PDP1: variants seen among roughly 807,000 people sequenced by gnomAD.
PDP1 encodes pyruvate dehyrogenase phosphatase catalytic subunit 1.
Under a neutral mutation model 37.1 loss-of-function variants are expected in PDP1, and 14 were observed. The observed-to-expected ratio is 0.38, with a 90% CI of 0.25 to 0.59. The LOEUF (loss-of-function observed/expected upper bound fraction) is 0.59, where lower values mean the gene tolerates loss of function less well. Ranked by LOEUF, PDP1 falls within the 20% of genes least tolerant of loss-of-function variation. The pLI, the probability that PDP1 is intolerant of heterozygous loss-of-function variation, is 0.67. For synonymous variants in PDP1, 251 were observed against 243.3 expected, an observed-to-expected ratio of 1.03 and a Z score of -0.29; for missense variants, 544 against 655.3, an observed-to-expected ratio of 0.83 and a Z score of 1.85.
Position 93,923,736 on chromosome 8 carries a change from A to C in PDP1, c.*63A>C. ...CATTTAAAGGGCAGATTTTTTAAAA[A>C]GATACTACTATAATAAACATTTCCA... On this transcript the variant is annotated 3_prime_UTR_variant, in exon 2 of 2. Transcript: ENST00000297598. This position sits in a 1 kb window ranked among gnomAD's most constrained non-coding sequence, Gnocchi z 4.3. The C allele has an allele frequency of 8.0e-7, 1 of 1,254,712 alleles. No homozygotes were observed. The highest frequency in any genetic ancestry group is 1.5e-5 in the African/African-American group (1 of 68,018). The allele number at this position is 1,254,712 out of a possible 1,614,324, so 77.7% of individuals were successfully genotyped here.
chr8:93,917,523 CGGGCA>C, intron 1 of PDP1, among the ~76,000 whole-genome samples: 1 of 151,574 alleles, frequency 6.6e-6, no homozygotes, highest in African/African-American at 2.4e-5. Flanking sequence ...GGGGCCGGGC[CGGGCA>C]GGGCGGGGCG....
chr8:93,920,550 CTAGAT>C, intron 1 of PDP1: 1 of 929,642 alleles, frequency 1.1e-6, no homozygotes, highest in East Asian at 1.2e-4. Flanking sequence ...CCCAAATTAT[CTAGAT>C]TAATGATATA....
At chr8:93,920,483 C>G (rs1236508744) in intron 1 of PDP1, 1 of 916,960 alleles carries the variant, frequency 1.1e-6, no homozygotes, top group Non-Finnish European at 1.3e-6. Flanking sequence ...GAAGCAGTAT[C>G]TCAAGAATTC....
At chr8:93,917,802 C>T (rs1469220478) in intron 1 of PDP1, 2 of 1,592,854 alleles carry the variant, frequency 1.3e-6, no homozygotes, top group Non-Finnish European at 1.7e-6. Context: ...TCCCCGCCGC[C>T]GCCTCCTCTA....
chr8:93,917,564 G>C (rs1295807200), intron 1 of PDP1, among the ~76,000 whole-genome samples: 1 of 152,132 alleles, frequency 6.6e-6, no homozygotes, highest in Non-Finnish European at 1.5e-5. Context: ...TGCAGTCCAT[G>C]GGCTTCGCGC....
chr8:93,917,657 C>T (rs1414897323), intron 1 of PDP1: 1 of 698,844 alleles, frequency 1.4e-6, no homozygotes, highest in Non-Finnish European at 2.3e-6. Context: ...GGCTTTGCCT[C>T]CCCGGCGGGG....
At position 93,922,983 on chromosome 8, in the gene PDP1, C is replaced by CA; in HGVS notation, c.925dup (p.Thr309AsnfsTer4). 1 of 1,614,146 alleles carries CA rather than the reference C, an allele frequency of 6.2e-7. No homozygotes were observed. The highest frequency in any genetic ancestry group is 8.5e-7 in the Non-Finnish European group (1 of 1,180,028). ...AAGAGGACGGCTCATGGTCAGCAGTCACGCTGTCTAATGACCACAATGCTC... is the reference window on the plus strand; with the variant it reads ...AAGAGGACGGCTCATGGTCAGCAGTCAACGCTGTCTAATGACCACAATGCTC... On this transcript the variant is annotated frameshift_variant, in exon 2 of 2. Coordinates refer to ENST00000297598, the MANE Select transcript of PDP1 (RefSeq NM_018444.4). LOFTEE classifies it high-confidence loss of function. The surrounding 1 kb of genome is among the most constrained non-coding windows in gnomAD (Gnocchi z 4.0).
In PDP1 at chr8:93,924,335, A is replaced by G. The variant is rs1397699940; in HGVS notation, c.*662A>G. ...CTATTTTGCCACACACTTGGAGACA[A>G]TAAGGGTTTTTAGTTTTATCTACTC... On this transcript the variant is annotated 3_prime_UTR_variant, in exon 2 of 2. Transcript: ENST00000297598. The G allele has an allele frequency of 1.8e-5, 3 of 166,954 alleles. No individual in the cohort carries two copies. The allele number at this position is 166,954 out of a possible 1,614,324, so 10.3% of individuals were successfully genotyped here.
intron 1 of PDP1, among the ~76,000 whole-genome samples, chr8:93,919,500 C>A: frequency 7.5e-6 from 1 of 134,172 alleles, no homozygotes; most frequent in South Asian, 2.9e-4. Context: ...CCTCCCTCCC[C>A]CCCCCCGGCA....
chr8:93,923,783 C>T lies in PDP1; in HGVS notation c.*110C>T. 6.3e-6 allele frequency: 6 copies of T among 947,882 alleles called. No homozygotes were observed. Among genetic ancestry groups the T allele is most frequent in the Non-Finnish European group, 1.0e-5 (6 of 586,038 alleles). 58.7% of individuals were successfully genotyped at this position (947,882 alleles called of 1,614,324 possible). On this transcript the variant is annotated 3_prime_UTR_variant, in exon 2 of 2. Coordinates refer to ENST00000297598, the MANE Select transcript of PDP1 (RefSeq NM_018444.4). The surrounding 1 kb of genome is among the most constrained non-coding windows in gnomAD (Gnocchi z 4.3). ...TCCAGTTGGTCATTCTAAGCATTTA[C>T]CCTTTTGATACTCTAGCTAGTCAGG...
At position 93,923,566 on chromosome 8, in the gene PDP1, A is replaced by G. The variant is rs1810353866; in HGVS notation, c.1507A>G (p.Met503Val). The change falls in exon 2 of 2, where the codon ATG becomes GTG. Residue 503 changes from methionine to valine, a missense_variant. Physicochemically the swap from Met to Val is conservative, Grantham distance 21. Coordinates refer to ENST00000297598, the MANE Select transcript of PDP1 (RefSeq NM_018444.4). The surrounding 1 kb of genome is among the most constrained non-coding windows in gnomAD (Gnocchi z 4.3). ...GTVDHERLSK[M>V]LSLPEELARM... is the part of the protein sequence containing the mutation. Reference sequence around the variant, plus strand: ...TGTTGATCATGAGCGCCTCTCTAAAATGCTTAGTCTTCCTGAAGAGCTTGC... The same window carrying G: ...TGTTGATCATGAGCGCCTCTCTAAAGTGCTTAGTCTTCCTGAAGAGCTTGC... 1.2e-6 allele frequency: 2 copies of G among 1,613,278 alleles called. No individual in the cohort carries two copies. The highest frequency in any genetic ancestry group is 3.3e-5 in the Admixed American group (2 of 59,996).
In PDP1 at chr8:93,923,722, C is replaced by A. The variant is rs192535454; in HGVS notation, c.*49C>A. The A allele has an allele frequency of 1.4e-3, 1,976 of 1,428,928 alleles. 3 individuals are homozygous for A. The highest frequency in any genetic ancestry group is 1.7e-3 in the Non-Finnish European group (1,682 of 1,012,560). 88.5% of individuals were successfully genotyped at this position (1,428,928 alleles called of 1,614,324 possible). On this transcript the variant is annotated 3_prime_UTR_variant, in exon 2 of 2. Transcript: ENST00000297598. This position sits in a 1 kb window ranked among gnomAD's most constrained non-coding sequence, Gnocchi z 4.3. ...TCTCAAATGATATACATTTAAAGGGCAGATTTTTTAAAAAGATACTACTAT... is the reference window on the plus strand; with the variant it reads ...TCTCAAATGATATACATTTAAAGGGAAGATTTTTTAAAAAGATACTACTAT...
chr8:93,920,721 AC>A (rs952162501), intron 1 of PDP1: 5 of 887,430 alleles, frequency 5.6e-6, no homozygotes, highest in Non-Finnish European at 6.7e-6. Context: ...GCAAGTAAAT[AC>A]CTTTTTTTTT....
chr8:93,919,616 C>A lies in PDP1; in HGVS notation c.-44-2400C>A, dbSNP rs116385467. Among the ~76,000 whole-genome samples, 1,490 of 151,368 alleles carry A rather than the reference C, an allele frequency of 9.8e-3. 28 individuals are homozygous for A. Among genetic ancestry groups the A allele is most frequent in the African/African-American group, 0.035 (1,426 of 41,178 alleles). ...GTTATGCATCTATCAACCCTCCCTC[C>A]CCCCCACACAAATAGTATTTTGAGT... On this transcript the variant is annotated intron_variant, in intron 1 of 1. Transcript: ENST00000297598.
chr8:93,921,911 C>G (rs1232204387), intron 1 of PDP1, 105 bp from the exon 2 acceptor site: 2 of 747,092 alleles, frequency 2.7e-6, no homozygotes, highest in Non-Finnish European at 2.2e-6. Context: ...AAAGGCTTAA[C>G]ATGTAGATTG....
Position 93,921,372 on chromosome 8 carries a change from G to C in PDP1, c.-44-644G>C, listed in dbSNP as rs1041984804. 3.1e-6 allele frequency: 3 copies of C among 976,020 alleles called. No individual in the cohort carries two copies. In the Admixed American group the frequency reaches 1.8e-4, roughly 60 times the overall value. 60.5% of individuals were successfully genotyped at this position (976,020 alleles called of 1,614,324 possible). On this transcript the variant is annotated intron_variant, in intron 1 of 1. Coordinates refer to ENST00000297598, the MANE Select transcript of PDP1 (RefSeq NM_018444.4). ...CAAGACCATCTACTGGGGTACAGGAGAGAAATACTGGAATTTCTTTTTTTA... is the reference window on the plus strand; with the variant it reads ...CAAGACCATCTACTGGGGTACAGGACAGAAATACTGGAATTTCTTTTTTTA...
chr8:93,921,723 G>A, intron 1 of PDP1: 1 of 265,292 alleles, frequency 3.8e-6, no homozygotes, highest in Non-Finnish European at 7.2e-6. Context: ...CAAATCTGTT[G>A]TACATTCTGC....
chr8:93,921,843 A>T (rs1010311712), intron 1 of PDP1, 173 bp from the exon 2 acceptor site: 2 of 534,268 alleles, frequency 3.7e-6, no homozygotes, highest in African/African-American at 3.8e-5. Context: ...TGTGCCTGCC[A>T]GAATATACCC....
At chr8:93,921,400 TA>T (rs1810264732) in intron 1 of PDP1, 2 of 883,008 alleles carry the variant, frequency 2.3e-6, no homozygotes, top group South Asian at 1.0e-4. Context: ...TTTTTTTATT[TA>T]ATTATGTAGA....
Sources: allele counts gnomAD v4.1 joint callset (sites outside exome capture counted in the v4.1 genomes callset), GRCh38; gene constraint gnomAD v4.1.1; non-coding constraint Gnocchi (gnomAD v3.1); transcripts MANE v1.5; gene names NCBI Gene and HGNC (gene_info 2026-07-23, HGNC 2026-07-21).